Variants in FMNL3 observed in about 807,000 individuals in gnomAD.
FMNL3 encodes the protein formin-like protein 3.
In FMNL3, 57 loss-of-function variants were observed where a neutral mutation model predicts 119.6. The observed-to-expected ratio is 0.48, with a 90% CI of 0.39 to 0.59. FMNL3 has a LOEUF of 0.59. FMNL3 is among the 20% of genes least tolerant of loss of function. FMNL3 has a pLI of 0.00. For synonymous variants in FMNL3, 491 were observed against 507.3 expected (o/e 0.97, Z 0.43); for missense variants, 1,053 against 1,323.5 (o/e 0.80, Z 3.17).
intron 1 of FMNL3, among the ~76,000 whole-genome samples, chr12:49,700,674 C>A (rs1162403023): frequency 2.8e-5 from 4 of 141,872 alleles, no homozygotes; most frequent in African/African-American, 2.7e-5. Flanking sequence ...GAGATCGCAC[C>A]ATTGCACTCC....
At chr12:49,655,623 A>C (rs552743513) in intron 9 of FMNL3, among the ~76,000 whole-genome samples, 1 of 151,964 alleles carries the variant, frequency 6.6e-6, no homozygotes, top group Non-Finnish European at 1.5e-5. Context: ...AGAAGGAGGA[A>C]GGGAGGAAGG....
rs11456820 is a variant in FMNL3, at chr12:49,700,391, C to CAAA, written c.126+6661_126+6663dup. ...TGGGCGACAGAGTGAGAATCCGTCT[C>CAAA]AAAAAAAAAAAAAAAAAAAGAGATT... On this transcript the variant is annotated intron_variant, in intron 1 of 25. Transcript: ENST00000335154. Among the ~76,000 whole-genome samples the CAAA allele has an allele frequency of 1.6e-3, 88 of 56,402 alleles. 2 individuals carry two copies. The highest frequency in any genetic ancestry group is 4.7e-3 in the African/African-American group (80 of 16,880). 37.0% of individuals were successfully genotyped at this position (56,402 alleles called of 152,430 possible). A position where few individuals can be genotyped will look rare whatever the true frequency, so the allele number is the denominator to read the frequency against.
chr12:49,650,020 GGACTGT>G (rs1164239397), intron 17 of FMNL3, 95 bp from the exon 18 acceptor site: 2 of 1,120,936 alleles, frequency 1.8e-6, no homozygotes, highest in African/African-American at 3.1e-5. Flanking sequence ...ACTGGACAGG[GGACTGT>G]ACACGGAACA....
intron 1 of FMNL3, among the ~76,000 whole-genome samples, chr12:49,679,637 C>T (rs1944286413): frequency 6.6e-6 from 1 of 151,318 alleles, no homozygotes; most frequent in African/African-American, 2.4e-5. Flanking sequence ...GGTGATCTTC[C>T]CACCTCAGCT....
intron 1 of FMNL3, among the ~76,000 whole-genome samples, chr12:49,705,325 C>T (rs145667076): frequency 4.6e-5 from 7 of 152,312 alleles, no homozygotes; most frequent in African/African-American, 1.7e-4. Context: ...TCCTGGTTAA[C>T]TAGGACATCA....
chr12:49,691,742 A>T (rs1420966129), intron 1 of FMNL3, among the ~76,000 whole-genome samples: 2 of 152,038 alleles, frequency 1.3e-5, no homozygotes, highest in Non-Finnish European at 2.9e-5. Flanking sequence ...CCCCATTAAA[A>T]GTTGGGTCTG....
chr12:49,651,306 AG>A lies in FMNL3; in HGVS notation c.1673-15del. On this transcript the variant is annotated splice_polypyrimidine_tract_variant and intron_variant, in intron 15 of 25. Coordinates refer to ENST00000335154, the MANE Select transcript of FMNL3 (RefSeq NM_175736.5). ...TAATTCGAATGGCTAATTTGGAAGG[AG>A]GATCAGTGACACAGGGGCCAAGGAC... The A allele has an allele frequency of 6.2e-7, 1 of 1,609,782 alleles. No homozygotes were observed. The highest frequency in any genetic ancestry group is 1.1e-5 in the South Asian group (1 of 91,014).
intron 8 of FMNL3, 150 bp from the exon 9 acceptor site, chr12:49,656,647 C>G: frequency 3.3e-6 from 3 of 909,464 alleles, no homozygotes; most frequent in Non-Finnish European, 3.4e-6. Context: ...TGCTCCCTTA[C>G]TAAGCTGTGT....
intron 12 of FMNL3, 25 bp from the exon 13 acceptor site, chr12:49,653,352 T>G (rs766878731): frequency 6.2e-7 from 1 of 1,611,276 alleles, no homozygotes; most frequent in Non-Finnish European, 8.5e-7. Context: ...GGGCAGGTTC[T>G]GTGCTGGCCC....
In FMNL3 at chr12:49,706,475, GC is replaced by G. The variant is rs549286253; in HGVS notation, c.126+579del. ...CTCTAACTTAGCAGGATGCCTGCAGGCCGTTCTGAAAATAAGCAGAATGGCA... is the reference window on the plus strand; with the variant it reads ...CTCTAACTTAGCAGGATGCCTGCAGGCGTTCTGAAAATAAGCAGAATGGCA... On this transcript the variant is annotated intron_variant, in intron 1 of 25. Transcript: ENST00000335154. Among the ~76,000 whole-genome samples, 16 of 152,322 alleles carry G rather than the reference GC, an allele frequency of 1.1e-4. No individual in the cohort carries two copies. The South Asian group carries it at 3.3e-3, about 32-fold the overall frequency.
chr12:49,698,524 C>CAA (rs565413356), intron 1 of FMNL3, among the ~76,000 whole-genome samples: 5 of 139,478 alleles, frequency 3.6e-5, no homozygotes, highest in African/African-American at 5.1e-5. Flanking sequence ...TCCCCACCCC[C>CAA]AAAAAAAAAA....
chr12:49,692,359 C>A (rs1049805983), intron 1 of FMNL3, among the ~76,000 whole-genome samples: 1 of 151,462 alleles, frequency 6.6e-6, no homozygotes, highest in African/African-American at 2.4e-5. Flanking sequence ...CCCCTCCCTA[C>A]CCAATTTTTA....
chr12:49,649,135 G>A lies in FMNL3; in HGVS notation c.2409C>T (p.Asp803=), dbSNP rs371100482. The A allele has an allele frequency of 5.0e-6, 8 of 1,613,548 alleles. No individual in the cohort carries two copies. Among genetic ancestry groups the A allele is most frequent in the Middle Eastern group, 1.7e-4 (1 of 6,058 alleles). ...TGAAATGAAGCAGTGTCATCTTCCGGTCAGTGGACTTGGTATCCAGCAGCT... is the reference window on the plus strand; with the variant it reads ...TGAAATGAAGCAGTGTCATCTTCCGATCAGTGGACTTGGTATCCAGCAGCT... ...LDLLLDTKST[D]RKMTLLHFIA... Residue 803 remains aspartate, a synonymous_variant, in exon 21 of 26, where the codon GAC becomes GAT. Coordinates refer to ENST00000335154, the MANE Select transcript of FMNL3 (RefSeq NM_175736.5). This position sits in a 1 kb window ranked among gnomAD's most constrained non-coding sequence, Gnocchi z 5.6.
chr12:49,686,439 G>A (rs955859761), intron 1 of FMNL3, among the ~76,000 whole-genome samples: 14 of 151,172 alleles, frequency 9.3e-5, no homozygotes, highest in Admixed American at 6.6e-5. Flanking sequence ...AAAATTAGGC[G>A]TGGTGGCGGG....
rs1941891506 is a variant in FMNL3 at position 49,636,903 on chromosome 12, C to T, written c.*8912G>A. 1.2e-6 allele frequency: 2 copies of T among 1,608,734 alleles called. No individual in the cohort carries two copies. Among genetic ancestry groups the T allele is most frequent in the Non-Finnish European group, 1.7e-6 (2 of 1,177,762 alleles). On this transcript the variant is annotated 3_prime_UTR_variant, in exon 26 of 26. Transcript: ENST00000335154. Reference sequence around the variant, plus strand: ...GCTCAGCTCTGCCCTAGAGCACAACCTCTTCACCCATTCCCTGCCCCCTTC... The same window carrying T: ...GCTCAGCTCTGCCCTAGAGCACAACTTCTTCACCCATTCCCTGCCCCCTTC...
At chr12:49,683,008 A>G (rs1251420956) in intron 1 of FMNL3, among the ~76,000 whole-genome samples, 2 of 152,172 alleles carry the variant, frequency 1.3e-5, no homozygotes, top group African/African-American at 4.8e-5. Context: ...GCCTCATCTC[A>G]GATTCCTCAC....
At chr12:49,688,803 T>C (rs1325325520) in intron 1 of FMNL3, among the ~76,000 whole-genome samples, 1 of 152,126 alleles carries the variant, frequency 6.6e-6, no homozygotes, top group Non-Finnish European at 1.5e-5. Context: ...CCCCCCAAAA[T>C]ACAATGTATA....
chr12:49,648,469 T>C, intron 21 of FMNL3, 116 bp from the exon 22 acceptor site: 1 of 1,097,484 alleles, frequency 9.1e-7, no homozygotes, highest in Non-Finnish European at 1.3e-6. Flanking sequence ...CAGGTTCACA[T>C]ACCTGTATGG....
At chr12:49,693,942 A>G (rs1191148746) in intron 1 of FMNL3, among the ~76,000 whole-genome samples, 1 of 149,272 alleles carries the variant, frequency 6.7e-6, no homozygotes, top group African/African-American at 2.5e-5. Context: ...GCCACCAACA[A>G]TCTTATTTTT....
Sources: gnomAD v4.1 joint callset for allele counts (sites outside exome capture counted in the v4.1 genomes callset) on GRCh38, gnomAD v4.1.1 for gene constraint, Gnocchi (gnomAD v3.1) non-coding constraint, MANE v1.5 for transcripts, NCBI Gene and HGNC (gene_info 2026-07-23, HGNC 2026-07-21) for gene names.